Variants in AMPH observed in about 807,000 individuals in gnomAD.
The protein encoded by AMPH is amphiphysin.
A neutral mutation model predicts 99.1 loss-of-function variants in AMPH; 49 were observed. That is an observed-to-expected ratio of 0.49 (90% CI 0.39 to 0.63). AMPH has a LOEUF of 0.63. AMPH is among the 20% of genes least tolerant of loss of function. The pLI is 0.00. For missense variants in AMPH, 759 were observed against 863.4 expected (o/e 0.88, Z 1.52); for synonymous variants, 314 against 317.3 (o/e 0.99, Z 0.11).
intron 1 of AMPH, among the ~76,000 whole-genome samples, chr7:38,628,229 A>G (rs956606695): frequency 6.6e-6 from 1 of 152,262 alleles, no homozygotes; most frequent in Non-Finnish European, 1.5e-5. Context: ...ATTAATCATG[A>G]ACAAATTTTA....
At chr7:38,534,776 T>C (rs1384977023) in intron 2 of AMPH, among the ~76,000 whole-genome samples, 155 bp downstream of exon 2, 8 of 152,202 alleles carry the variant, frequency 5.3e-5, no homozygotes, top group African/African-American at 1.9e-4. Flanking sequence ...TTCCCCGTCT[T>C]CAATAGGAAA....
At chr7:38,505,704 T>C (rs1789300168) in intron 2 of AMPH, among the ~76,000 whole-genome samples, 1 of 151,956 alleles carries the variant, frequency 6.6e-6, no homozygotes, top group Non-Finnish European at 1.5e-5. Flanking sequence ...TGATAAACAC[T>C]TGAGTAAAAG....
At chr7:38,630,437 T>C (rs760226006) in intron 1 of AMPH, among the ~76,000 whole-genome samples, 26 of 152,064 alleles carry the variant, frequency 1.7e-4, no homozygotes, top group Non-Finnish European at 3.1e-4. Flanking sequence ...TGCACGTCTC[T>C]GGGGAAAAAA....
chr7:38,387,134 A>G (rs1402313031), intron 20 of AMPH, among the ~76,000 whole-genome samples: 1 of 144,336 alleles, frequency 6.9e-6, no homozygotes, highest in Non-Finnish European at 1.5e-5. Context: ...CCAGTAATTT[A>G]TATGTCTGCT....
intron 1 of AMPH, among the ~76,000 whole-genome samples, chr7:38,566,922 C>A (rs561797974): frequency 6.6e-6 from 1 of 152,252 alleles, no homozygotes; most frequent in Non-Finnish European, 1.5e-5. Flanking sequence ...GAAATAGGAA[C>A]GCTTTTACAC....
intron 11 of AMPH, among the ~76,000 whole-genome samples, chr7:38,443,074 A>G (rs1169905769): frequency 6.6e-6 from 1 of 152,130 alleles, no homozygotes; most frequent in Non-Finnish European, 1.5e-5. Context: ...AAAAAATAAT[A>G]GTAAATATGA....
At position 38,596,909 on chromosome 7, in the gene AMPH, A is replaced by G. The variant is rs139377781; in HGVS notation, c.69+34374T>C. On this transcript the variant is annotated intron_variant, in intron 1 of 20. Coordinates refer to ENST00000356264, the MANE Select transcript of AMPH (RefSeq NM_001635.4). Reference sequence around the variant, plus strand: ...CTCCAGTGTCCAAATGACCTCTCAAACACATGCATCTGATCATACTTCTCT... The same window carrying G: ...CTCCAGTGTCCAAATGACCTCTCAAGCACATGCATCTGATCATACTTCTCT... Among the ~76,000 whole-genome samples, 876 of 152,248 alleles carry G rather than the reference A, an allele frequency of 5.8e-3. 8 individuals are homozygous for G. Among genetic ancestry groups the G allele is most frequent in the South Asian group, 0.034 (164 of 4,826 alleles).
At chr7:38,401,490 T>C (rs1241344387) in intron 17 of AMPH, among the ~76,000 whole-genome samples, 1 of 152,244 alleles carries the variant, frequency 6.6e-6, no homozygotes, top group Non-Finnish European at 1.5e-5. Flanking sequence ...TTAGGAATTC[T>C]ATGGAAAGTC....
chr7:38,580,632 T>C (rs1442243907), intron 1 of AMPH, among the ~76,000 whole-genome samples: 1 of 151,764 alleles, frequency 6.6e-6, no homozygotes, highest in Admixed American at 6.6e-5. Context: ...TGCTATGACC[T>C]GAGGATGAGA....
intron 9 of AMPH, among the ~76,000 whole-genome samples, chr7:38,463,423 C>A (rs1019288): frequency 0.37 from 56,247 of 151,950 alleles, 11,073 homozygotes; most frequent in East Asian, 0.54. Flanking sequence ...ATCACCCAGC[C>A]ATTTAGTGAA....
At chr7:38,432,940 A>G (rs932893325) in intron 12 of AMPH, among the ~76,000 whole-genome samples, 1 of 152,204 alleles carries the variant, frequency 6.6e-6, no homozygotes, top group African/African-American at 2.4e-5. Flanking sequence ...AGATGGTTCA[A>G]ATGGCTTCCA....
rs1207484675 is a variant in AMPH at position 38,394,202 on chromosome 7, C to T, written c.1411G>A (p.Ala471Thr). 3 of 1,614,196 alleles carry T rather than the reference C, an allele frequency of 1.9e-6. No homozygotes were observed. The highest frequency in any genetic ancestry group is 2.5e-6 in the Non-Finnish European group (3 of 1,180,034). The stretch of plus-strand genomic sequence containing the variant: ...GTTCCAACAGCTGCATCAGCATCAG[C>T]TCCAGGTATGATCTGCAGGGCAGAA... ...PVEEAVIIPG[A>T]DADAAVGTLV... The change falls in exon 18 of 21, where the codon GCT (alanine) becomes ACT (threonine). Residue 471 changes from alanine to threonine, a missense_variant. Physicochemically the swap from Ala to Thr is moderately conservative, Grantham distance 58 (BLOSUM62 0). Coordinates refer to ENST00000356264, the MANE Select transcript of AMPH (RefSeq NM_001635.4).
chr7:38,625,302 A>T (rs1016581346), intron 1 of AMPH, among the ~76,000 whole-genome samples: 5 of 152,226 alleles, frequency 3.3e-5, no homozygotes, highest in African/African-American at 7.2e-5. Flanking sequence ...ACATTATTTG[A>T]TATATTGAAC....
In AMPH at chr7:38,610,250, A is replaced by AGGAAG. The variant is rs754172348; in HGVS notation, c.69+21032_69+21033insCTTCC. On this transcript the variant is annotated intron_variant, in intron 1 of 20. Transcript: ENST00000356264. ...AAGCTCTCTCAAAAAAAAAAAAAAA[A>AGGAAG]AAAAAAAAAAAAAGAAAGAAAGAAA... Among the ~76,000 whole-genome samples, 9 of 25,046 alleles carry AGGAAG rather than the reference A, an allele frequency of 3.6e-4. 1 individual carries two copies. The highest frequency in any genetic ancestry group is 6.5e-4 in the Non-Finnish European group (8 of 12,272). The allele number at this position is 25,046 out of a possible 152,430, so 16.4% of individuals were successfully genotyped here.
intron 1 of AMPH, among the ~76,000 whole-genome samples, chr7:38,595,160 C>T (rs17171411): frequency 0.25 from 37,287 of 152,026 alleles, 4,745 homozygotes; most frequent in Admixed American, 0.32. Context: ...TACACAACGA[C>T]GCTGCCCCGC....
At chr7:38,506,394 G>A (rs774570349) in intron 2 of AMPH, among the ~76,000 whole-genome samples, 17 of 152,112 alleles carry the variant, frequency 1.1e-4, no homozygotes, top group African/African-American at 3.9e-4. Flanking sequence ...CAAACTGAAC[G>A]GTTCACAAAT....
chr7:38,567,543 T>TA (rs141070295), intron 1 of AMPH, among the ~76,000 whole-genome samples: 9,862 of 152,070 alleles, frequency 0.065, 513 homozygotes, highest in East Asian at 0.25. Flanking sequence ...TAATAAAAAT[T>TA]AAAAAAATAA....
chr7:38,514,787 T>C (rs1279269715), intron 2 of AMPH, among the ~76,000 whole-genome samples: 3 of 152,216 alleles, frequency 2.0e-5, no homozygotes, highest in East Asian at 1.9e-4. Flanking sequence ...TTTTTCTTTA[T>C]AAATTACCTG....
chr7:38,493,142 G>C (rs998205629), intron 4 of AMPH, among the ~76,000 whole-genome samples: 1 of 152,150 alleles, frequency 6.6e-6, no homozygotes, highest in Admixed American at 6.5e-5. Flanking sequence ...GAATATCCAT[G>C]GAGCAGCCTA....
Sources: allele counts gnomAD v4.1 joint callset (sites outside exome capture counted in the v4.1 genomes callset), GRCh38; gene constraint gnomAD v4.1.1; transcripts MANE v1.5; gene names NCBI Gene and HGNC (gene_info 2026-07-23, HGNC 2026-07-21).